Variants in TRPM6 observed in about 807,000 individuals in gnomAD.
TRPM6 encodes the protein transient receptor potential cation channel subfamily M member 6, also known as channel kinase 2.
TRPM6 carries 111 observed loss-of-function variants against 247.6 expected under a neutral mutation model. The ratio of observed to expected loss-of-function variants is 0.45; its 90% confidence interval spans 0.38 to 0.52. The LOEUF (loss-of-function observed/expected upper bound fraction) is 0.52, where lower values mean the gene tolerates loss of function less well. Ranked by LOEUF, TRPM6 falls within the 20% of genes least tolerant of loss-of-function variation. The pLI is 0.00. For missense variants in TRPM6, 2,126 were observed against 2,421.5 expected, an observed-to-expected ratio of 0.88 and a Z score of 2.56; for synonymous variants, 892 against 853.8, an observed-to-expected ratio of 1.04 and a Z score of -0.78.
chr9:74,760,588 C>T (rs1826591399), intron 27 of TRPM6, among the ~76,000 whole-genome samples: 1 of 152,066 alleles, frequency 6.6e-6, no homozygotes, highest in Non-Finnish European at 1.5e-5. Flanking sequence ...TGAAAAGATG[C>T]CTAGTAGCAT....
intron 38 of TRPM6, among the ~76,000 whole-genome samples, chr9:74,726,840 T>A (rs1040184901): frequency 6.6e-6 from 1 of 152,206 alleles, no homozygotes; most frequent in Admixed American, 6.5e-5. Flanking sequence ...GAGGTCCTGA[T>A]GACTCACAGT....
At chr9:74,822,709 C>CTA (rs553668737) in intron 7 of TRPM6, among the ~76,000 whole-genome samples, 2 of 151,596 alleles carry the variant, frequency 1.3e-5, no homozygotes, top group African/African-American at 2.4e-5. Context: ...TGACCCAAGC[C>CTA]TATATATATA....
At chr9:74,769,370 A>C (rs1205444514) in intron 25 of TRPM6, among the ~76,000 whole-genome samples, 2 of 151,890 alleles carry the variant, frequency 1.3e-5, no homozygotes, top group African/African-American at 4.8e-5. Flanking sequence ...GCTAGTGTTG[A>C]GCTCCTGATG....
intron 14 of TRPM6, chr9:74,804,666 C>T: frequency 1.3e-6 from 1 of 752,006 alleles, no homozygotes; most frequent in South Asian, 1.4e-5. Flanking sequence ...GACTATTCAG[C>T]AGTTCCCTAC....
At chr9:74,759,034 T>C (rs1003027752) in intron 27 of TRPM6, among the ~76,000 whole-genome samples, 1 of 152,080 alleles carries the variant, frequency 6.6e-6, no homozygotes, top group Non-Finnish European at 1.5e-5. Context: ...TTCAAAAATA[T>C]GAAATAGGGA....
Position 74,818,293 on chromosome 9 carries a change from C to CTTTTTTTTTTTTTTT in TRPM6, c.1135-1344_1135-1330dup, listed in dbSNP as rs1161401022. Among the ~76,000 whole-genome samples the CTTTTTTTTTTTTTTT allele has an allele frequency of 5.6e-5, 4 of 72,006 alleles. 1 individual carries two copies. The highest frequency in any genetic ancestry group is 2.5e-4 in the African/African-American group (4 of 16,294). 47.2% of individuals were successfully genotyped at this position (72,006 alleles called of 152,430 possible). A position where few individuals can be genotyped will look rare whatever the true frequency, so the allele number is the denominator to read the frequency against. ...AACTCACGTTTCAGATCTATCATTT[C>CTTTTTTTTTTTTTTT]TTTTTTTTTTTTTTTTTTTTTTTTT... On this transcript the variant is annotated intron_variant, in intron 9 of 38. Transcript: ENST00000360774.
At chr9:74,731,401 C>T (rs1825515000) in intron 37 of TRPM6, among the ~76,000 whole-genome samples, 2 of 151,840 alleles carry the variant, frequency 1.3e-5, no homozygotes, top group Admixed American at 1.3e-4. Flanking sequence ...TAAAGTGAAA[C>T]ATAATAAAGT....
In TRPM6 at chr9:74,840,250, C is replaced by T. The variant is rs892827770; in HGVS notation, c.331-13G>A. On this transcript the variant is annotated splice_polypyrimidine_tract_variant and intron_variant, in intron 4 of 38. Coordinates refer to ENST00000360774, the MANE Select transcript of TRPM6 (RefSeq NM_017662.5). ...AAGTTCTAATATACTGCAAGAAAAG[C>T]ACATGTAGGTGAACAGAACATTGTA... is the stretch of plus-strand genomic sequence containing the variant. 1 of 1,564,228 alleles carries T rather than the reference C, an allele frequency of 6.4e-7. No homozygotes were observed. Among genetic ancestry groups the T allele is most frequent in the Non-Finnish European group, 8.8e-7 (1 of 1,135,366 alleles).
At chr9:74,880,219 A>G (rs1831320272) in intron 1 of TRPM6, among the ~76,000 whole-genome samples, 1 of 152,184 alleles carries the variant, frequency 6.6e-6, no homozygotes, top group African/African-American at 2.4e-5. Flanking sequence ...AAGAAGCCAA[A>G]TATTCAAAAT....
rs1825247634 is a variant in TRPM6 at position 74,724,448 on chromosome 9, C to A, written c.*165G>T. 8 of 954,020 alleles carry A rather than the reference C, an allele frequency of 8.4e-6. No homozygotes were observed. In the East Asian group the frequency reaches 1.8e-4, roughly 21 times the overall value. The allele number at this position is 954,020 out of a possible 1,614,324, so 59.1% of individuals were successfully genotyped here. A position where few individuals can be genotyped will look rare whatever the true frequency, so the allele number is the denominator to read the frequency against. On this transcript the variant is annotated 3_prime_UTR_variant, in exon 39 of 39. Coordinates refer to ENST00000360774, the MANE Select transcript of TRPM6 (RefSeq NM_017662.5). The stretch of plus-strand genomic sequence containing the variant: ...ACAGAGGTCAGTGTCTAGGAGAACC[C>A]ATTGATCATATACCAATGAGGCCTT...
At chr9:74,847,918 G>C (rs972617635) in intron 3 of TRPM6, among the ~76,000 whole-genome samples, 1 of 152,130 alleles carries the variant, frequency 6.6e-6, no homozygotes, top group African/African-American at 2.4e-5. Context: ...AAGACCTCCA[G>C]CGGGTGCCCA....
chr9:74,869,282 A>T (rs1458580657), intron 1 of TRPM6, among the ~76,000 whole-genome samples: 1 of 152,022 alleles, frequency 6.6e-6, no homozygotes, highest in Non-Finnish European at 1.5e-5. Flanking sequence ...CATCCTGACT[A>T]ACATGGTGAA....
chr9:74,816,993 C>T (rs1828957206), intron 9 of TRPM6, 29 bp from the exon 10 acceptor site: 4 of 1,584,552 alleles, frequency 2.5e-6, no homozygotes, highest in African/African-American at 1.3e-5. Context: ...GAGAGCCATA[C>T]ATTTGGGGAA....
intron 14 of TRPM6, among the ~76,000 whole-genome samples, chr9:74,807,044 T>C (rs557945249): frequency 6.6e-6 from 1 of 152,232 alleles, no homozygotes; most frequent in African/African-American, 2.4e-5. Context: ...AAGTAGCTGA[T>C]ACCTCCTTAA....
At chr9:74,783,623 T>A (rs1245105147) in intron 21 of TRPM6, among the ~76,000 whole-genome samples, 2 of 152,174 alleles carry the variant, frequency 1.3e-5, no homozygotes, top group South Asian at 2.1e-4. Context: ...ACAGCCCCCA[T>A]GAGCACTCAC....
intron 18 of TRPM6, among the ~76,000 whole-genome samples, chr9:74,793,901 T>C (rs1827994547): frequency 6.6e-6 from 1 of 152,164 alleles, no homozygotes; most frequent in African/African-American, 2.4e-5. Context: ...ATGTAGAGAA[T>C]TAGCAATGAG....
chr9:74,755,219 T>C (rs1338987080), intron 28 of TRPM6, 134 bp downstream of exon 28: 2 of 1,020,482 alleles, frequency 2.0e-6, no homozygotes, highest in Non-Finnish European at 3.0e-6. Flanking sequence ...CTATTTTCCT[T>C]ACAGAGTGTA....
intron 25 of TRPM6, among the ~76,000 whole-genome samples, chr9:74,770,934 C>T (rs945191669): frequency 3.3e-5 from 5 of 152,198 alleles, no homozygotes; most frequent in African/African-American, 1.2e-4. Context: ...TAATTGCAGT[C>T]TCTGCTTCTC....
At position 74,848,752 on chromosome 9, in the gene TRPM6, G is replaced by T. The variant is rs114661523; in HGVS notation, c.153-6409C>A. Among the ~76,000 whole-genome samples the T allele has an allele frequency of 6.6e-3, 998 of 152,174 alleles. 13 individuals carry two copies. Among genetic ancestry groups the T allele is most frequent in the African/African-American group, 0.023 (940 of 41,512 alleles). ...TTCTAAATTTCTGTGTCTATATTCT[G>T]ATGCACAATTAATTCCATGGACTAC... On this transcript the variant is annotated intron_variant, in intron 3 of 38. Transcript: ENST00000360774.
Sources: allele counts gnomAD v4.1 joint callset (sites outside exome capture counted in the v4.1 genomes callset), GRCh38; gene constraint gnomAD v4.1.1; transcripts MANE v1.5; gene names NCBI Gene and HGNC (gene_info 2026-07-23, HGNC 2026-07-21).